Variants in ATP8B4 observed in about 807,000 individuals in gnomAD.
ATP8B4 encodes probable phospholipid-transporting ATPase IM.
In ATP8B4, 133 loss-of-function variants were observed where a neutral mutation model predicts 145.6. That is an observed-to-expected ratio of 0.91 (90% confidence interval 0.79 to 1.05). The LOEUF is 1.05. ATP8B4 is among the 50% of genes least tolerant of loss of function. The pLI, the probability that ATP8B4 is intolerant of heterozygous loss-of-function variation, is 0.00. For missense variants in ATP8B4, 1,458 were observed against 1,425.2 expected (o/e 1.02, Z -0.37); for synonymous variants, 507 against 492.9 (o/e 1.03, Z -0.38).
At position 49,860,489 on chromosome 15, in the gene ATP8B4, G is replaced by A; in HGVS notation, c.3298-14C>T. 6.3e-7 allele frequency: 1 copy of A among 1,587,070 alleles called. No individual in the cohort carries two copies. Among genetic ancestry groups the A allele is most frequent in the Non-Finnish European group, 8.6e-7 (1 of 1,169,098 alleles). ...CCACCGGCGGATCTGGAGAGAAACA[G>A]ACCCAAAGTGAGATGATGCATCCAA... On this transcript the variant is annotated splice_polypyrimidine_tract_variant and intron_variant, in intron 27 of 27. Coordinates refer to ENST00000284509, the MANE Select transcript of ATP8B4 (RefSeq NM_024837.4).
At chr15:50,062,926 C>A (rs8036590) in intron 3 of ATP8B4, among the ~76,000 whole-genome samples, 11 of 152,054 alleles carry the variant, frequency 7.2e-5, no homozygotes, top group African/African-American at 2.7e-4. Context: ...GGTATTGAAT[C>A]TACAAGAGTC....
At chr15:49,985,605 C>T (rs1236445051) in intron 10 of ATP8B4, among the ~76,000 whole-genome samples, 2 of 152,204 alleles carry the variant, frequency 1.3e-5, no homozygotes, top group African/African-American at 4.8e-5. Flanking sequence ...GCTTTACAAA[C>T]ATCCAGTTGA....
intron 1 of ATP8B4, among the ~76,000 whole-genome samples, chr15:50,126,712 T>C (rs35334250): frequency 0.38 from 57,167 of 152,170 alleles, 12,496 homozygotes; most frequent in Middle Eastern, 0.57. Flanking sequence ...TTTATTTCCA[T>C]GCTTGGTGGA....
At chr15:49,893,631 G>A (rs960520351) in intron 23 of ATP8B4, among the ~76,000 whole-genome samples, 2 of 152,148 alleles carry the variant, frequency 1.3e-5, no homozygotes, top group Admixed American at 1.3e-4. Context: ...GTAGAGTGGT[G>A]GTTGCCAGGG....
Position 49,979,770 on chromosome 15 carries a change from C to T in ATP8B4, c.881G>A (p.Gly294Glu). 6.2e-7 allele frequency: 1 copy of T among 1,607,838 alleles called. No homozygotes were observed. The highest frequency in any genetic ancestry group is 8.5e-7 in the Non-Finnish European group (1 of 1,176,308). ...AGTTTGACTCTCCCAGATTGAATTT[C>T]CTATTGCAAGAATAATTCCCAAGCA... ...LICLGIILAI[G>E]NSIWESQTGD... Residue 294 changes from glycine (G) to glutamate (E), a missense_variant, in exon 12 of 28, where the codon GGA becomes GAA. Gly to Glu is a moderately conservative substitution (Grantham distance 98). Transcript: ENST00000284509.
chr15:50,002,092 A>G, intron 8 of ATP8B4, 61 bp downstream of exon 8: 3 of 1,371,348 alleles, frequency 2.2e-6, no homozygotes, highest in Admixed American at 1.9e-5. Context: ...TCTTATCTCT[A>G]AAGACATTAC....
intron 24 of ATP8B4, among the ~76,000 whole-genome samples, chr15:49,879,118 C>A (rs983439665): frequency 6.6e-6 from 1 of 152,134 alleles, no homozygotes; most frequent in Non-Finnish European, 1.5e-5. Context: ...ACTTCTAGAG[C>A]CTTTAGAGCA....
At chr15:50,129,631 A>G (rs552431753) in intron 1 of ATP8B4, among the ~76,000 whole-genome samples, 3 of 152,278 alleles carry the variant, frequency 2.0e-5, no homozygotes, top group Admixed American at 2.0e-4. Flanking sequence ...CCACATTCCA[A>G]CATTCCAGGT....
At chr15:49,955,511 C>T (rs958810370) in intron 14 of ATP8B4, among the ~76,000 whole-genome samples, 28 of 152,290 alleles carry the variant, frequency 1.8e-4, no homozygotes, top group Middle Eastern at 3.4e-3. Context: ...ACCATACTAT[C>T]CTGCAATCTC....
chr15:49,922,041 G>C (rs557511932), intron 17 of ATP8B4, among the ~76,000 whole-genome samples: 1 of 152,184 alleles, frequency 6.6e-6, no homozygotes, highest in Non-Finnish European at 1.5e-5. Flanking sequence ...GGAAACGGAT[G>C]ATTTAAATTA....
intron 23 of ATP8B4, among the ~76,000 whole-genome samples, chr15:49,889,003 A>T (rs1359761579): frequency 6.6e-6 from 1 of 152,064 alleles, no homozygotes; most frequent in Non-Finnish European, 1.5e-5. Flanking sequence ...TAGAGAGCTC[A>T]TTTCCTCCAC....
At chr15:49,924,992 A>G (rs1034283036) in intron 16 of ATP8B4, among the ~76,000 whole-genome samples, 1 of 152,174 alleles carries the variant, frequency 6.6e-6, no homozygotes, top group Non-Finnish European at 1.5e-5. Flanking sequence ...TGAATAACCT[A>G]CATTTGCCTG....
intron 6 of ATP8B4, among the ~76,000 whole-genome samples, chr15:50,034,549 A>G (rs915677879): frequency 6.6e-6 from 1 of 152,118 alleles, no homozygotes; most frequent in African/African-American, 2.4e-5. Context: ...TCTTAAAATT[A>G]GACATAAAAT....
intron 2 of ATP8B4, among the ~76,000 whole-genome samples, chr15:50,075,954 T>C (rs2054142170): frequency 6.6e-6 from 1 of 152,226 alleles, no homozygotes; most frequent in South Asian, 2.1e-4. Flanking sequence ...GGGCTCTTCC[T>C]GCATGGCAAA....
Position 49,860,037 on chromosome 15 carries a change from G to T in ATP8B4, c.*157C>A. ...CTGGTTTTCCATAGCGCACACTCCT[G>T]TTTGATGGGCACTGGCAGTTGTCTG... On this transcript the variant is annotated 3_prime_UTR_variant, in exon 28 of 28. Coordinates refer to ENST00000284509, the MANE Select transcript of ATP8B4 (RefSeq NM_024837.4). 1 of 885,520 alleles carries T rather than the reference G, an allele frequency of 1.1e-6. No individual in the cohort carries two copies. Among genetic ancestry groups the T allele is most frequent in the South Asian group, 1.7e-5 (1 of 57,518 alleles). 54.9% of individuals were successfully genotyped at this position (885,520 alleles called of 1,614,324 possible).
intron 23 of ATP8B4, among the ~76,000 whole-genome samples, chr15:49,889,403 C>T: frequency 6.6e-6 from 1 of 152,162 alleles, no homozygotes; most frequent in South Asian, 2.1e-4. Flanking sequence ...GAAATTCCAC[C>T]CAACATAGGA....
chr15:49,938,407 G>A (rs1477531882), intron 14 of ATP8B4, among the ~76,000 whole-genome samples: 1 of 152,074 alleles, frequency 6.6e-6, no homozygotes. Context: ...GCAAAAAGTT[G>A]GAGAAAGTTC....
chr15:50,057,282 T>TA (rs974227796), intron 3 of ATP8B4, among the ~76,000 whole-genome samples: 1 of 152,198 alleles, frequency 6.6e-6, no homozygotes, highest in Non-Finnish European at 1.5e-5. Context: ...AGGCAGTCCT[T>TA]AAAAAATCCA....
rs528333340 is a variant in ATP8B4 at position 50,088,438 on chromosome 15, G to A, written c.29-14253C>T. On this transcript the variant is annotated intron_variant, in intron 2 of 27. Transcript: ENST00000284509. ...TCTTCATTCAACTCCAGCCTCAGTG[G>A]CCTCTTGTTCCTTGACCACACCAGG... 1.3e-4 allele frequency among the ~76,000 whole-genome samples: 20 copies of A among 152,066 alleles called. No individual in the cohort carries two copies. The South Asian group carries it at 4.0e-3, about 30-fold the overall frequency.
Sources: gnomAD v4.1 joint callset for allele counts (sites outside exome capture counted in the v4.1 genomes callset) on GRCh38, gnomAD v4.1.1 for gene constraint, MANE v1.5 for transcripts, NCBI Gene and HGNC (gene_info 2026-07-23, HGNC 2026-07-21) for gene names.